ZP3: variants seen among roughly 807,000 people sequenced by gnomAD.
ZP3 encodes zona pellucida sperm-binding protein 3.
In ZP3, 21 loss-of-function variants were observed where a neutral mutation model predicts 35.6. That is an observed-to-expected ratio of 0.59 (90% CI 0.42 to 0.85). The LOEUF is 0.85. Ranked by LOEUF, ZP3 falls within the 40% of genes least tolerant of loss-of-function variation. The probability of loss-of-function intolerance (pLI) is 0.00; values close to 1 mark genes in which losing one functional copy is unlikely to be tolerated. For missense variants in ZP3, 437 were observed against 536.5 expected, an observed-to-expected ratio of 0.81 and a Z score of 1.83; for synonymous variants, 207 against 214.5, an observed-to-expected ratio of 0.96 and a Z score of 0.31.
intron 1 of ZP3, among the ~76,000 whole-genome samples, chr7:76,399,037 A>C (rs1804730421): frequency 6.6e-6 from 1 of 151,962 alleles, no homozygotes; most frequent in African/African-American, 2.4e-5. Flanking sequence ...TTTGAGATGG[A>C]GTCTTGCTCT....
At chr7:76,434,651 A>T (rs532304954) in intron 5 of ZP3, among the ~76,000 whole-genome samples, 255 of 145,328 alleles carry the variant, frequency 1.8e-3, no homozygotes, top group African/African-American at 6.3e-3. Context: ...AAAAAAAAAA[A>T]AGGCAGGTGT....
chr7:76,430,517 C>A (rs142950433), intron 2 of ZP3, among the ~76,000 whole-genome samples: 1 of 152,080 alleles, frequency 6.6e-6, no homozygotes, highest in East Asian at 1.9e-4. Context: ...GGGCAGCTCA[C>A]GAGGTAAGGA....
chr7:76,422,265 G>A (rs997675092), upstream of ZP3, among the ~76,000 whole-genome samples: 3 of 151,942 alleles, frequency 2.0e-5, no homozygotes, highest in Non-Finnish European at 2.9e-5. Flanking sequence ...GGCACCCACA[G>A]GGTTCTGCCC....
At chr7:76,418,681 T>C (rs774378225) in intron 1 of ZP3, among the ~76,000 whole-genome samples, 4 of 146,136 alleles carry the variant, frequency 2.7e-5, no homozygotes, top group African/African-American at 5.1e-5. Context: ...ACGGTAAAAC[T>C]CCATCTCTAC....
chr7:76,422,225 C>A (rs1805519817), upstream of ZP3, among the ~76,000 whole-genome samples: 1 of 151,734 alleles, frequency 6.6e-6, no homozygotes, highest in Non-Finnish European at 1.5e-5. Context: ...GCCTCTTTTT[C>A]CCACAGGGCT....
chr7:76,427,481 A>T (rs1313971409), intron 1 of ZP3, among the ~76,000 whole-genome samples: 1 of 141,486 alleles, frequency 7.1e-6, no homozygotes, highest in Non-Finnish European at 1.5e-5. Flanking sequence ...GTGCCACTGC[A>T]CTCCAGCCTG....
chr7:76,435,767 C>T (rs542035831), intron 5 of ZP3, among the ~76,000 whole-genome samples: 71 of 150,176 alleles, frequency 4.7e-4, no homozygotes, highest in African/African-American at 1.7e-3. Context: ...CTCACTCTGT[C>T]ACCCAAGCTG....
At chr7:76,411,242 G>A (rs554858872) in intron 1 of ZP3, among the ~76,000 whole-genome samples, 14 of 151,942 alleles carry the variant, frequency 9.2e-5, no homozygotes, top group African/African-American at 3.1e-4. Context: ...CAGATTTTTC[G>A]GTTCCTAAGC....
chr7:76,429,438 C>T, intron 1 of ZP3, 77 bp from the exon 2 acceptor site: 1 of 1,418,708 alleles, frequency 7.0e-7, no homozygotes, highest in Non-Finnish European at 1.0e-6. Flanking sequence ...GGCTGCCCTC[C>T]CTGAGCACTC....
At position 76,441,837 on chromosome 7, in the gene ZP3, C is replaced by T; in HGVS notation, c.1061-5C>T. 10 of 1,613,798 alleles carry T rather than the reference C, an allele frequency of 6.2e-6. No homozygotes were observed. Among genetic ancestry groups the T allele is most frequent in the Non-Finnish European group, 8.5e-6 (10 of 1,179,782 alleles). On this transcript the variant is annotated splice_polypyrimidine_tract_variant and splice_region_variant and intron_variant, in intron 7 of 7. Transcript: ENST00000394857. ...AACCCTTGGTTGTGTGTTCTCCTTTCACAGTGACAGAAGAAGCAGATGTCA... is the reference window on the plus strand; with the variant it reads ...AACCCTTGGTTGTGTGTTCTCCTTTTACAGTGACAGAAGAAGCAGATGTCA...
chr7:76,409,544 CTT>C (rs1805176787), intron 1 of ZP3: 1 of 152,304 alleles, frequency 6.6e-6, no homozygotes, highest in African/African-American at 2.4e-5. Context: ...GGCGTTTCTT[CTT>C]TTCTTTCCAC....
chr7:76,432,562 A>G (rs536376287), intron 2 of ZP3, among the ~76,000 whole-genome samples: 1 of 151,980 alleles, frequency 6.6e-6, no homozygotes, highest in Non-Finnish European at 1.5e-5. Flanking sequence ...GCAATCCTCC[A>G]GTCTCCACCT....
upstream of ZP3, among the ~76,000 whole-genome samples, chr7:76,423,483 G>A (rs1805573347): frequency 6.6e-6 from 1 of 152,186 alleles, no homozygotes; most frequent in African/African-American, 2.4e-5. Flanking sequence ...CCTTCCTGAG[G>A]TGGGACACTC....
chr7:76,437,361 A>T (rs1799220), intron 5 of ZP3, among the ~76,000 whole-genome samples: 1 of 151,350 alleles, frequency 6.6e-6, no homozygotes, highest in African/African-American at 2.4e-5. Flanking sequence ...TATTTAGTAG[A>T]GATGGGGTTT....
chr7:76,434,508 G>A (rs960397684), intron 5 of ZP3, among the ~76,000 whole-genome samples: 2 of 142,760 alleles, frequency 1.4e-5, no homozygotes, highest in African/African-American at 5.0e-5. Context: ...GTGGTGGTTG[G>A]GTACCTGTAA....
chr7:76,436,038 T>TCCC (rs1805994462), intron 5 of ZP3, among the ~76,000 whole-genome samples: 2 of 17,318 alleles, frequency 1.2e-4, no homozygotes, highest in African/African-American at 5.9e-4. Context: ...CCCTTTTTTT[T>TCCC]TTTTTTTTTT....
intron 5 of ZP3, among the ~76,000 whole-genome samples, chr7:76,438,696 A>G (rs1202734853): frequency 2.1e-5 from 3 of 145,834 alleles, no homozygotes; most frequent in African/African-American, 5.3e-5. Context: ...CCCAGAGGCC[A>G]GGACTGTCAG....
At chr7:76,427,447 C>T (rs1003167307) in intron 1 of ZP3, among the ~76,000 whole-genome samples, 4 of 144,020 alleles carry the variant, frequency 2.8e-5, no homozygotes, top group South Asian at 2.2e-4. Context: ...ACCCGGGAGG[C>T]GTAGGTTGCA....
upstream of ZP3, among the ~76,000 whole-genome samples, chr7:76,421,606 ATT>A (rs200023159): frequency 4.9e-5 from 7 of 143,164 alleles, no homozygotes; most frequent in East Asian, 4.1e-4. Context: ...TATATGTATA[ATT>A]TTTTTTTTTT....
Sources: allele counts gnomAD v4.1 joint callset (sites outside exome capture counted in the v4.1 genomes callset), GRCh38; gene constraint gnomAD v4.1.1; transcripts MANE v1.5; gene names NCBI Gene and HGNC (gene_info 2026-07-23, HGNC 2026-07-21).